TMEM163: variants seen among roughly 807,000 people sequenced by gnomAD.
TMEM163 encodes the protein transmembrane protein 163.
TMEM163 carries 17 observed loss-of-function variants against 29.3 expected under a neutral mutation model. The ratio of observed to expected loss-of-function variants is 0.58; its 90% CI spans 0.40 to 0.87. The LOEUF is 0.87. TMEM163 is among the 40% of genes least tolerant of loss of function. TMEM163 has a pLI of 0.00. For missense variants in TMEM163, 303 were observed against 381.5 expected (o/e 0.79, Z 1.71); for synonymous variants, 157 against 160.6 (o/e 0.98, Z 0.17).
chr2:134,692,798 T>C (rs1246791099), intron 2 of TMEM163, among the ~76,000 whole-genome samples: 1 of 152,150 alleles, frequency 6.6e-6, no homozygotes, highest in Non-Finnish European at 1.5e-5. Flanking sequence ...CCCCTCCAAA[T>C]ACCATCACAC....
chr2:134,462,548 G>T (rs1686570195), intron 6 of TMEM163, among the ~76,000 whole-genome samples: 1 of 152,108 alleles, frequency 6.6e-6, no homozygotes, highest in Non-Finnish European at 1.5e-5. Context: ...CTGATTATGA[G>T]ACTGTTTTCA....
intron 5 of TMEM163, among the ~76,000 whole-genome samples, chr2:134,476,509 T>C (rs774933676): frequency 6.6e-6 from 1 of 152,220 alleles, no homozygotes; most frequent in Non-Finnish European, 1.5e-5. Flanking sequence ...ACTATTTATC[T>C]CAGGGATTCT....
intron 2 of TMEM163, among the ~76,000 whole-genome samples, chr2:134,671,078 G>A (rs928304673): frequency 7.9e-5 from 12 of 152,296 alleles, no homozygotes; most frequent in African/African-American, 1.7e-4. Context: ...CTGTCCAGCC[G>A]TGTCAGCAGC....
chr2:134,471,889 T>C (rs1361706391), intron 5 of TMEM163, among the ~76,000 whole-genome samples: 1 of 152,226 alleles, frequency 6.6e-6, no homozygotes, highest in African/African-American at 2.4e-5. Context: ...CCAGGTTGCC[T>C]CATCTAAGGC....
At chr2:134,481,670 G>A (rs1325967690) in intron 5 of TMEM163, among the ~76,000 whole-genome samples, 2 of 152,168 alleles carry the variant, frequency 1.3e-5, no homozygotes, top group African/African-American at 4.8e-5. Context: ...ATGGAGTTGG[G>A]CCGTTGTTGA....
chr2:134,682,834 C>T (rs1182759839), intron 2 of TMEM163, among the ~76,000 whole-genome samples: 3 of 152,188 alleles, frequency 2.0e-5, no homozygotes, highest in African/African-American at 7.2e-5. Flanking sequence ...TTTATAGCAG[C>T]TTTATTCACA....
At chr2:134,659,058 G>C (rs558099072) in intron 2 of TMEM163, among the ~76,000 whole-genome samples, 2 of 152,200 alleles carry the variant, frequency 1.3e-5, no homozygotes, top group African/African-American at 4.8e-5. Context: ...ATGGGATAGC[G>C]TACTGCATAC....
chr2:134,581,633 G>GC (rs369311382), intron 2 of TMEM163, among the ~76,000 whole-genome samples: 37 of 134,704 alleles, frequency 2.7e-4, no homozygotes, highest in African/African-American at 9.4e-4. Context: ...CTTTATGGGG[G>GC]CGGGGGGGAG....
At position 134,708,033 on chromosome 2, in the gene TMEM163, C is replaced by T. The variant is rs114394245; in HGVS notation, c.322+5167G>A. ...TCCCAAGTAGCTGGGATAACAGGCA[C>T]GCACCACCACACTTGGCAAATTTTT... On this transcript the variant is annotated intron_variant, in intron 2 of 7. Transcript: ENST00000281924. Among the ~76,000 whole-genome samples, 168 of 151,964 alleles carry T rather than the reference C, an allele frequency of 1.1e-3. 1 individual carries two copies. Among genetic ancestry groups the T allele is most frequent in the Admixed American group, 3.1e-3 (47 of 15,264 alleles).
intron 2 of TMEM163, among the ~76,000 whole-genome samples, chr2:134,576,740 G>T (rs1681563754): frequency 6.6e-6 from 1 of 152,182 alleles, no homozygotes; most frequent in South Asian, 2.1e-4. Flanking sequence ...TGAAAAGAAA[G>T]GACAAACTTG....
intron 2 of TMEM163, among the ~76,000 whole-genome samples, chr2:134,565,963 G>A (rs1681291957): frequency 6.6e-6 from 1 of 152,210 alleles, no homozygotes; most frequent in Admixed American, 6.5e-5. Context: ...CAAAGACGGG[G>A]CATGAACAGG....
chr2:134,704,234 G>C (rs1019541865), intron 2 of TMEM163, among the ~76,000 whole-genome samples: 12 of 152,106 alleles, frequency 7.9e-5, no homozygotes, highest in Non-Finnish European at 1.5e-4. Flanking sequence ...GCTAAGTGCA[G>C]GGTATACATT....
At chr2:134,596,393 T>C (rs540865362) in intron 2 of TMEM163, among the ~76,000 whole-genome samples, 87 of 152,360 alleles carry the variant, frequency 5.7e-4, no homozygotes, top group African/African-American at 1.5e-3. Flanking sequence ...TTCTTGTTTT[T>C]GTCAGGTTTG....
In TMEM163 at chr2:134,718,927, C is replaced by T. The variant is rs1368282365; in HGVS notation, c.9G>A (p.Pro3=). ...AGCTGCGGCGCTGGATGCCCGCGGC[C>T]GGCTCCATGGCGCGGGGCTGCGGAT... The part of the protein sequence containing the change: ME[P]AAGIQRRSSQ... Residue 3 remains proline, a synonymous_variant, in exon 1 of 8, where the codon CCG becomes CCA. Coordinates refer to ENST00000281924, the MANE Select transcript of TMEM163 (RefSeq NM_030923.5). 8.5e-5 allele frequency: 90 copies of T among 1,054,132 alleles called. No individual in the cohort carries two copies. The highest frequency in any genetic ancestry group is 1.0e-4 in the Non-Finnish European group (88 of 876,416). 65.3% of individuals were successfully genotyped at this position (1,054,132 alleles called of 1,614,324 possible).
intron 4 of TMEM163, among the ~76,000 whole-genome samples, chr2:134,533,494 A>G (rs1680459662): frequency 6.6e-6 from 1 of 152,244 alleles, no homozygotes; most frequent in African/African-American, 2.4e-5. Flanking sequence ...GAAAACACTC[A>G]CTTTAACATT....
intron 1 of TMEM163, among the ~76,000 whole-genome samples, chr2:134,718,440 C>A (rs1447830254): frequency 6.6e-6 from 1 of 152,248 alleles, no homozygotes; most frequent in Admixed American, 6.5e-5. Context: ...AAACTTTTCC[C>A]GTGGGCGCCG....
intron 2 of TMEM163, among the ~76,000 whole-genome samples, chr2:134,561,477 G>T (rs1011637145): frequency 6.6e-6 from 1 of 151,640 alleles, no homozygotes; most frequent in African/African-American, 2.4e-5. Flanking sequence ...CTCCCGAGTA[G>T]CTGGGACTAC....
intron 4 of TMEM163, among the ~76,000 whole-genome samples, chr2:134,515,619 C>T (rs1287723478): frequency 6.6e-6 from 1 of 152,060 alleles, no homozygotes. Context: ...AAATGTGCCA[C>T]AAAGGGAGTG....
chr2:134,503,083 A>G, intron 4 of TMEM163, 86 bp from the exon 5 acceptor site: 2 of 1,318,368 alleles, frequency 1.5e-6, no homozygotes, highest in Non-Finnish European at 2.1e-6. Flanking sequence ...CAAAGACACA[A>G]TCTGGGAATG....
Sources: gnomAD v4.1 joint callset for allele counts (sites outside exome capture counted in the v4.1 genomes callset) on GRCh38, gnomAD v4.1.1 for gene constraint, MANE v1.5 for transcripts, NCBI Gene and HGNC (gene_info 2026-07-23, HGNC 2026-07-21) for gene names.